The following NSG2 variants were observed in gnomAD, a reference collection of about 807,000 sequenced individuals.
The protein encoded by NSG2 is neuronal vesicle trafficking-associated protein 2.
A neutral mutation model predicts 16.9 loss-of-function variants in NSG2; 4 were observed. The observed-to-expected ratio is 0.24, with a 90% CI of 0.12 to 0.54. The LOEUF is 0.54. Ranked by LOEUF, NSG2 falls within the 20% of genes least tolerant of loss-of-function variation. The probability of loss-of-function intolerance (pLI) is 0.95; values close to 1 mark genes in which losing one functional copy is unlikely to be tolerated. For missense variants in NSG2, 179 were observed against 221.1 expected (o/e 0.81, Z 1.21); for synonymous variants, 98 against 88.7 (o/e 1.11, Z -0.59).
chr5:174,083,043 TG>T (rs1760514003), intron 3 of NSG2, among the ~76,000 whole-genome samples: 1 of 152,196 alleles, frequency 6.6e-6, no homozygotes. Flanking sequence ...TTCACTGTCA[TG>T]GGCCACTCCA....
rs1040358293 is a variant in NSG2 at position 174,101,138 on chromosome 5, C to T, written c.214-3090C>T. ...ACTATAGGCAACTCTCTTGGCTGGG[C>T]CCAGGTGTGTTCTCTTTGAGGGGAG... is the stretch of plus-strand genomic sequence containing the variant. On this transcript the variant is annotated intron_variant, in intron 3 of 4. Transcript: ENST00000303177. 3.3e-5 allele frequency among the ~76,000 whole-genome samples: 5 copies of T among 152,302 alleles called. No individual in the cohort carries two copies. The South Asian group carries it at 6.2e-4, about 19-fold the overall frequency.
intron 3 of NSG2, among the ~76,000 whole-genome samples, chr5:174,074,818 C>T (rs1438726374): frequency 6.6e-6 from 1 of 151,990 alleles, no homozygotes; most frequent in Non-Finnish European, 1.5e-5. Flanking sequence ...ATGTTTTCTG[C>T]TTGGAGACCC....
chr5:174,074,925 C>G (rs1296449510), intron 3 of NSG2, among the ~76,000 whole-genome samples: 1 of 152,004 alleles, frequency 6.6e-6, no homozygotes, highest in Non-Finnish European at 1.5e-5. Context: ...CCTTCTCTTC[C>G]TGCACCTCAC....
chr5:174,092,231 G>A (rs990433077), intron 3 of NSG2, among the ~76,000 whole-genome samples: 4 of 152,284 alleles, frequency 2.6e-5, no homozygotes, highest in African/African-American at 9.6e-5. Flanking sequence ...GCCAGGAGAT[G>A]GGAAGTCAGG....
intron 3 of NSG2, among the ~76,000 whole-genome samples, chr5:174,089,212 C>T (rs1210467576): frequency 2.0e-5 from 3 of 152,166 alleles, no homozygotes; most frequent in Non-Finnish European, 4.4e-5. Context: ...GCAAGCATCC[C>T]TAACTCCGAG....
Position 174,089,776 on chromosome 5 carries a change from G to C in NSG2, c.214-14452G>C, listed in dbSNP as rs147107225. Among the ~76,000 whole-genome samples, 160 of 152,150 alleles carry C rather than the reference G, an allele frequency of 1.1e-3. No homozygotes were observed. In the South Asian group the frequency reaches 0.015, roughly 15 times the overall value. On this transcript the variant is annotated intron_variant, in intron 3 of 4. Transcript: ENST00000303177. ...ACTACAGGTGTACACTACCACCTCC[G>C]GCTAGTTTTTACTTTTTTCTTTTTT...
chr5:174,066,883 G>C (rs536793617), intron 3 of NSG2, among the ~76,000 whole-genome samples: 1 of 150,098 alleles, frequency 6.7e-6, no homozygotes, highest in South Asian at 2.1e-4. Flanking sequence ...CCAGCTACTT[G>C]GGAGGCTGAG....
intron 3 of NSG2, among the ~76,000 whole-genome samples, chr5:174,090,712 T>TAGAA (rs1385236693): frequency 1.3e-5 from 2 of 151,774 alleles, no homozygotes; most frequent in African/African-American, 4.8e-5. Context: ...GGCAGTGGGG[T>TAGAA]GGGGAGGTAG....
At chr5:174,056,360 T>A (rs1364175277) in intron 2 of NSG2, 2 of 152,244 alleles carry the variant, frequency 1.3e-5, no homozygotes, top group Non-Finnish European at 2.9e-5. Flanking sequence ...AGGCACATAG[T>A]GGGTACCTTT....
chr5:174,055,724 A>G (rs1759958517), intron 2 of NSG2, among the ~76,000 whole-genome samples: 1 of 152,198 alleles, frequency 6.6e-6, no homozygotes, highest in African/African-American at 2.4e-5. Flanking sequence ...AGCAAGAAAG[A>G]CAAAGTTTAT....
chr5:174,090,424 G>C (rs1760703852), intron 3 of NSG2, among the ~76,000 whole-genome samples: 1 of 152,132 alleles, frequency 6.6e-6, no homozygotes. Flanking sequence ...GGTCACATAG[G>C]CACTGTTTGC....
chr5:174,057,910 G>A (rs1759990068), intron 2 of NSG2, among the ~76,000 whole-genome samples: 1 of 152,210 alleles, frequency 6.6e-6, no homozygotes. Context: ...AAGCTGGCCA[G>A]GGCAAAGGTC....
At chr5:174,096,786 C>T (rs1187242990) in intron 3 of NSG2, among the ~76,000 whole-genome samples, 3 of 152,072 alleles carry the variant, frequency 2.0e-5, no homozygotes, top group Non-Finnish European at 4.4e-5. Context: ...TCTGCCTAGG[C>T]ATGGCTCTGG....
Position 174,107,171 on chromosome 5 carries a change from G to C in NSG2, c.325-143G>C, listed in dbSNP as rs1039418002. On this transcript the variant is annotated intron_variant, in intron 4 of 4. Transcript: ENST00000303177. The surrounding 1 kb of genome is among the most constrained non-coding windows in gnomAD (Gnocchi z 4.5). ...GTGCTGGTGTTGGGAAGGCTGCTGC[G>C]TGCCAGGCCCAGGTCAGGAGCTGTC... The C allele has an allele frequency of 1.6e-5, 10 of 614,524 alleles. No individual in the cohort carries two copies. In the African/African-American group the frequency reaches 1.7e-4, roughly 10 times the overall value. The allele number at this position is 614,524 out of a possible 1,614,324, so 38.1% of individuals were successfully genotyped here.
At chr5:174,069,459 A>G (rs1243972854) in intron 3 of NSG2, among the ~76,000 whole-genome samples, 1 of 152,102 alleles carries the variant, frequency 6.6e-6, no homozygotes, top group Admixed American at 6.5e-5. Flanking sequence ...GCTTGAGACT[A>G]GGCTCGCCTA....
At chr5:174,049,265 G>A (rs1272653701) in intron 2 of NSG2, among the ~76,000 whole-genome samples, 1 of 152,310 alleles carries the variant, frequency 6.6e-6, no homozygotes, top group African/African-American at 2.4e-5. Flanking sequence ...GCGTGAACCT[G>A]GGAGGCAGAG....
At chr5:174,091,018 TCTTC>T (rs1760712950) in intron 3 of NSG2, among the ~76,000 whole-genome samples, 1 of 151,702 alleles carries the variant, frequency 6.6e-6, no homozygotes, top group Non-Finnish European at 1.5e-5. Context: ...TTTCTTTTCT[TCTTC>T]CTTCCCCTTC....
chr5:174,059,974 C>T (rs1760023757), intron 2 of NSG2, among the ~76,000 whole-genome samples: 1 of 152,140 alleles, frequency 6.6e-6, no homozygotes, highest in Admixed American at 6.5e-5. Context: ...ATGGTATGCC[C>T]TGATTGGCTC....
rs77171713 is a variant in NSG2, at chr5:174,072,984, A to G, written c.213+8669A>G. Among the ~76,000 whole-genome samples, 3 of 142,734 alleles carry G rather than the reference A, an allele frequency of 2.1e-5. No homozygotes were observed. Among genetic ancestry groups the G allele is most frequent in the African/African-American group, 7.8e-5 (3 of 38,412 alleles). 93.6% of individuals were successfully genotyped at this position (142,734 alleles called of 152,430 possible). A position where few individuals can be genotyped will look rare whatever the true frequency, so the allele number is the denominator to read the frequency against. ...GGGTAACAGAGTGAGATCCTGTCTC[A>G]AATGAATGAATGAATGAATGAATGC... On this transcript the variant is annotated intron_variant, in intron 3 of 4. Coordinates refer to ENST00000303177, the MANE Select transcript of NSG2 (RefSeq NM_015980.5). This position sits in a 1 kb window ranked among gnomAD's most constrained non-coding sequence, Gnocchi z 4.0.
Sources: allele counts gnomAD v4.1 joint callset (sites outside exome capture counted in the v4.1 genomes callset), GRCh38; gene constraint gnomAD v4.1.1; non-coding constraint Gnocchi (gnomAD v3.1); transcripts MANE v1.5; gene names NCBI Gene and HGNC (gene_info 2026-07-23, HGNC 2026-07-21).